PDSS2: variants seen among roughly 807,000 people sequenced by gnomAD.
The protein encoded by PDSS2 is decaprenyl diphosphate synthase subunit 2.
In PDSS2, 31 loss-of-function variants were observed where a neutral mutation model predicts 44.5. The ratio of observed to expected loss-of-function variants is 0.70; its 90% CI spans 0.52 to 0.94. PDSS2 has a LOEUF of 0.94. Ranked by LOEUF, PDSS2 falls within the 40% of genes least tolerant of loss-of-function variation. PDSS2 has a pLI of 0.00. For synonymous variants in PDSS2, 157 were observed against 180.3 expected, an observed-to-expected ratio of 0.87 and a Z score of 1.03; for missense variants, 452 against 482.2, an observed-to-expected ratio of 0.94 and a Z score of 0.59.
intron 1 of PDSS2, among the ~76,000 whole-genome samples, chr6:107,423,288 G>T (rs1431747952): frequency 2.6e-5 from 4 of 152,024 alleles, no homozygotes; most frequent in Non-Finnish European, 5.9e-5. Flanking sequence ...ACAGCAAAAA[G>T]GGAAAAGAGA....
intron 3 of PDSS2, among the ~76,000 whole-genome samples, chr6:107,251,555 G>A (rs765458786): frequency 1.2e-4 from 19 of 152,126 alleles, no homozygotes; most frequent in Admixed American, 4.6e-4. Context: ...ACTTTACTGC[G>A]CTCTTTCCTC....
chr6:107,280,164 A>G (rs1388928226), intron 2 of PDSS2, among the ~76,000 whole-genome samples: 2 of 152,090 alleles, frequency 1.3e-5, no homozygotes, highest in Non-Finnish European at 2.9e-5. Context: ...GGTTCAAGCA[A>G]TTCTCATGCG....
At position 107,458,412 on chromosome 6, in the gene PDSS2, C is replaced by CAAAAAAAAAAAAAAAAAAAAAAAAAAAAA. The variant is rs60758453; in HGVS notation, c.296+577_296+578insTTTTTTTTTTTTTTTTTTTTTTTTTTTTT. ...TGGGCGACAAAGCGAGACTCCGTCTCAAAAAAAAAAAAAAAAAAAACTTTT... is the reference window on the plus strand; with the variant it reads ...TGGGCGACAAAGCGAGACTCCGTCTCAAAAAAAAAAAAAAAAAAAAAAAAAAAAAAAAAAAAAAAAAAAAAAAAACTTTT... On this transcript the variant is annotated intron_variant, in intron 1 of 7. Transcript: ENST00000369037. Among the ~76,000 whole-genome samples, 18 of 78,158 alleles carry CAAAAAAAAAAAAAAAAAAAAAAAAAAAAA rather than the reference C, an allele frequency of 2.3e-4. 2 individuals are homozygous for CAAAAAAAAAAAAAAAAAAAAAAAAAAAAA. The highest frequency in any genetic ancestry group is 8.3e-4 in the African/African-American group (13 of 15,630). The allele number at this position is 78,158 out of a possible 152,430, so 51.3% of individuals were successfully genotyped here. A position where few individuals can be genotyped will look rare whatever the true frequency, so the allele number is the denominator to read the frequency against.
At chr6:107,203,514 A>G (rs1183931259) in intron 6 of PDSS2, among the ~76,000 whole-genome samples, 1 of 152,068 alleles carries the variant, frequency 6.6e-6, no homozygotes, top group Non-Finnish European at 1.5e-5. Context: ...ATCGTATATA[A>G]TATAGCCAGA....
At chr6:107,342,741 T>C (rs1269585548) in intron 1 of PDSS2, among the ~76,000 whole-genome samples, 1 of 152,086 alleles carries the variant, frequency 6.6e-6, no homozygotes, top group African/African-American at 2.4e-5. Flanking sequence ...AATTTTGAGA[T>C]TTATGAATAA....
chr6:107,429,901 A>AAAAT (rs1166637352), intron 1 of PDSS2, among the ~76,000 whole-genome samples: 2 of 31,840 alleles, frequency 6.3e-5, no homozygotes, highest in South Asian at 2.6e-3. Flanking sequence ...AAAAAAAAAA[A>AAAAT]ATATATATAT....
At chr6:107,385,567 T>C (rs977296756) in intron 1 of PDSS2, among the ~76,000 whole-genome samples, 50 of 152,330 alleles carry the variant, frequency 3.3e-4, no homozygotes, top group South Asian at 2.1e-4. Context: ...CTTAGGGTCA[T>C]TGTTATAATC....
chr6:107,266,543 A>G (rs1036832225), intron 3 of PDSS2, among the ~76,000 whole-genome samples: 1 of 152,218 alleles, frequency 6.6e-6, no homozygotes, highest in African/African-American at 2.4e-5. Flanking sequence ...AAAACATATC[A>G]TAGCCTAAAA....
At position 107,428,677 on chromosome 6, in the gene PDSS2, T is replaced by A. The variant is rs115947590; in HGVS notation, c.296+30313A>T. On this transcript the variant is annotated intron_variant, in intron 1 of 7. Coordinates refer to ENST00000369037, the MANE Select transcript of PDSS2 (RefSeq NM_020381.4). ...ACTCCCCCATCTTTACAAAAAGAAA[T>A]TTTTTTTTAATTATCTGGGTATAGT... Among the ~76,000 whole-genome samples, 1,091 of 151,782 alleles carry A rather than the reference T, an allele frequency of 7.2e-3. 9 individuals carry two copies. The highest frequency in any genetic ancestry group is 0.024 in the African/African-American group (1,005 of 41,402).
At chr6:107,431,348 GCT>G in intron 1 of PDSS2, among the ~76,000 whole-genome samples, 1 of 152,270 alleles carries the variant, frequency 6.6e-6, no homozygotes, top group African/African-American at 2.4e-5. Context: ...CACTTCCCAG[GCT>G]TAAGTTATCC....
At chr6:107,421,833 CACAA>C (rs1780834208) in intron 1 of PDSS2, among the ~76,000 whole-genome samples, 1 of 150,072 alleles carries the variant, frequency 6.7e-6, no homozygotes, top group Admixed American at 6.6e-5. Flanking sequence ...CACACACACA[CACAA>C]ACGAATGCAT....
intron 1 of PDSS2, among the ~76,000 whole-genome samples, chr6:107,346,854 T>C (rs1327712074): frequency 1.3e-5 from 2 of 152,250 alleles, no homozygotes; most frequent in Admixed American, 6.5e-5. Flanking sequence ...TCCTTGAATC[T>C]TCTCTTGCTT....
chr6:107,189,922 CAAAT>C (rs1772312518), intron 7 of PDSS2, among the ~76,000 whole-genome samples: 1 of 151,186 alleles, frequency 6.6e-6, no homozygotes, highest in African/African-American at 2.4e-5. Context: ...AAGAAAGAAA[CAAAT>C]AAAAAAAAAT....
intron 1 of PDSS2, among the ~76,000 whole-genome samples, chr6:107,429,929 T>TAC (rs1781138392): frequency 9.6e-6 from 1 of 104,656 alleles, no homozygotes; most frequent in Non-Finnish European, 1.9e-5. Flanking sequence ...TATATATATA[T>TAC]ATATATATAC....
chr6:107,262,086 T>C (rs1562417137), intron 3 of PDSS2, among the ~76,000 whole-genome samples: 1 of 151,488 alleles, frequency 6.6e-6, no homozygotes, highest in Non-Finnish European at 1.5e-5. Flanking sequence ...TTTTTTTGCA[T>C]TTTTGTAGAG....
chr6:107,334,970 G>A (rs2115250877), intron 1 of PDSS2, among the ~76,000 whole-genome samples: 1 of 151,966 alleles, frequency 6.6e-6, no homozygotes. Context: ...CAGACAAGAT[G>A]GTGAAACCCC....
chr6:107,293,396 C>T (rs904399689), intron 2 of PDSS2, among the ~76,000 whole-genome samples: 2 of 152,330 alleles, frequency 1.3e-5, no homozygotes, highest in African/African-American at 2.4e-5. Flanking sequence ...AAAGGTTATA[C>T]AAATACATCA....
chr6:107,262,588 C>T (rs1775276401), intron 3 of PDSS2, among the ~76,000 whole-genome samples: 1 of 151,926 alleles, frequency 6.6e-6, no homozygotes, highest in African/African-American at 2.4e-5. Flanking sequence ...CTGGCTAACA[C>T]GGTGAAACCC....
intron 4 of PDSS2, among the ~76,000 whole-genome samples, chr6:107,214,887 G>C (rs1773360799): frequency 6.6e-6 from 1 of 152,048 alleles, no homozygotes; most frequent in Non-Finnish European, 1.5e-5. Flanking sequence ...CAAGTAACTG[G>C]GATCACAGGT....
Sources: allele counts gnomAD v4.1 joint callset (sites outside exome capture counted in the v4.1 genomes callset), GRCh38; gene constraint gnomAD v4.1.1; transcripts MANE v1.5; gene names NCBI Gene and HGNC (gene_info 2026-07-23, HGNC 2026-07-21).